The following HCK variants were observed in gnomAD, a reference collection of about 807,000 sequenced individuals.
HCK encodes tyrosine-protein kinase HCK.
In HCK, 40 loss-of-function variants were observed where a neutral mutation model predicts 70.4. The observed-to-expected ratio is 0.57, with a 90% confidence interval of 0.44 to 0.74. The LOEUF is 0.74. Among genes scored for constraint, HCK ranks in the 30% least tolerant of loss-of-function variants. The probability of loss-of-function intolerance (pLI) is 0.00; values close to 1 mark genes in which losing one functional copy is unlikely to be tolerated. For missense variants in HCK, 568 were observed against 697.2 expected (o/e 0.81, Z 2.09); for synonymous variants, 245 against 263.2 (o/e 0.93, Z 0.67).
At position 32,088,522 on chromosome 20, in the gene HCK, T is replaced by C. The variant is rs753328251; in HGVS notation, c.1016-46T>C. The C allele has an allele frequency of 2.0e-6, 3 of 1,482,986 alleles. No individual in the cohort carries two copies. In the African/African-American group the frequency reaches 4.2e-5, roughly 21 times the overall value. 91.9% of individuals were successfully genotyped at this position (1,482,986 alleles called of 1,614,324 possible). ...GCAAAAGTAATTGTGGTTTTTGCCA[T>C]TAAATAGTAAAAGTAGTAAATGTTC... is the stretch of plus-strand genomic sequence containing the variant. On this transcript the variant is annotated intron_variant, in intron 9 of 12. Coordinates refer to ENST00000375852, the MANE Select transcript of HCK (RefSeq NM_002110.5).
chr20:32,086,872 T>C, intron 9 of HCK, 65 bp downstream of exon 9: 2 of 1,440,142 alleles, frequency 1.4e-6, no homozygotes, highest in Non-Finnish European at 1.9e-6. Flanking sequence ...GGCCCAAGGG[T>C]GGCTTGGACA....
At chr20:32,074,768 C>A in intron 5 of HCK, 47 bp downstream of exon 5, 1 of 1,400,832 alleles carries the variant, frequency 7.1e-7, no homozygotes, top group South Asian at 1.2e-5. Flanking sequence ...TGAGCAAAGC[C>A]AGCCTTGTTT....
At chr20:32,054,475 TAAAAAAAAAAAAAAAAAAAAAAAAA>T (rs529274774) in intron 1 of HCK, among the ~76,000 whole-genome samples, 91 of 15,868 alleles carry the variant, frequency 5.7e-3, no homozygotes, top group Non-Finnish European at 9.3e-3. Flanking sequence ...AAACTCCACC[TAAAAAAAAAAAAAAAAAAAAAAAAA>T]AAAAAAAAAA....
At chr20:32,061,765 G>T (rs1305527320) in intron 1 of HCK, among the ~76,000 whole-genome samples, 2 of 152,090 alleles carry the variant, frequency 1.3e-5, no homozygotes, top group African/African-American at 2.4e-5. Flanking sequence ...AGCAAGGAGG[G>T]CTCCAGTGGA....
intron 4 of HCK, among the ~76,000 whole-genome samples, chr20:32,074,227 C>T (rs112210927): frequency 2.6e-5 from 4 of 152,122 alleles, no homozygotes; most frequent in Admixed American, 1.3e-4. Context: ...AGCCCGAGAA[C>T]GGGAGTGGTC....
At chr20:32,052,917 TG>T (rs2045202743) in intron 1 of HCK, among the ~76,000 whole-genome samples, 1 of 151,458 alleles carries the variant, frequency 6.6e-6, no homozygotes, top group African/African-American at 2.4e-5. Context: ...GCAGCCAGCT[TG>T]GGGAAGGGGG....
At chr20:32,073,910 G>A (rs2122536382) in intron 4 of HCK, 92 bp downstream of exon 4, 2 of 723,560 alleles carry the variant, frequency 2.8e-6, no homozygotes, top group East Asian at 2.7e-5. Context: ...CTGATAGATG[G>A]GCTATCTTAT....
intron 6 of HCK, among the ~76,000 whole-genome samples, chr20:32,082,628 C>T (rs1255218295): frequency 2.0e-5 from 3 of 152,030 alleles, no homozygotes; most frequent in African/African-American, 4.8e-5. Context: ...GATGACACAG[C>T]GAGACTCTGA....
chr20:32,068,143 C>G (rs1039872918), intron 1 of HCK, among the ~76,000 whole-genome samples: 1 of 151,556 alleles, frequency 6.6e-6, no homozygotes. Flanking sequence ...CTAAAAAATA[C>G]AAAAATTAGC....
intron 1 of HCK, 29 bp from the exon 2 acceptor site, chr20:32,071,633 G>T (rs1190764515): frequency 6.2e-7 from 1 of 1,609,410 alleles, no homozygotes; most frequent in Non-Finnish European, 8.5e-7. Context: ...CTTGGTAACT[G>T]GGGCTCACCT....
At chr20:32,088,070 A>G (rs1227595096) in intron 9 of HCK, among the ~76,000 whole-genome samples, 3 of 152,010 alleles carry the variant, frequency 2.0e-5, no homozygotes. Flanking sequence ...CCTAACATAT[A>G]TATTTGTAAA....
Position 32,099,350 on chromosome 20 carries a change from C to CTTTTTTTTTTTTTTTTTTTTTT in HCK, c.1378+219_1378+240dup, listed in dbSNP as rs71336559. ...CCTTCCTTCTCTCTCACTCCTATGA[C>CTTTTTTTTTTTTTTTTTTTTTT]TTTTTTTTTTTTTTTTTTTTTTTTT... is the stretch of plus-strand genomic sequence containing the variant. On this transcript the variant is annotated intron_variant, in intron 12 of 12. Transcript: ENST00000375852. Among the ~76,000 whole-genome samples the CTTTTTTTTTTTTTTTTTTTTTT allele has an allele frequency of 1.4e-4, 12 of 85,172 alleles. 1 individual carries two copies. Among genetic ancestry groups the CTTTTTTTTTTTTTTTTTTTTTT allele is most frequent in the African/African-American group, 7.1e-4 (11 of 15,518 alleles). The allele number at this position is 85,172 out of a possible 152,430, so 55.9% of individuals were successfully genotyped here.
intron 1 of HCK, among the ~76,000 whole-genome samples, chr20:32,052,783 G>GGGC (rs1568945531): frequency 2.6e-5 from 3 of 113,484 alleles, no homozygotes; most frequent in African/African-American, 4.6e-5. Context: ...TCCCCTTCTT[G>GGGC]GGGGGGGGCG....
chr20:32,068,104 CTGACCAACGTGGTG>C (rs2045486368), intron 1 of HCK, among the ~76,000 whole-genome samples: 1 of 151,966 alleles, frequency 6.6e-6, no homozygotes, highest in South Asian at 2.1e-4. Flanking sequence ...CAAGACCAGC[CTGACCAACGTGGTG>C]AAACCCTGTC....
In HCK at chr20:32,086,677, G is replaced by C; in HGVS notation, c.885G>C (p.Gly295=). 6.2e-7 allele frequency: 1 copy of C among 1,613,400 alleles called. No individual in the cohort carries two copies. The highest frequency in any genetic ancestry group is 8.5e-7 in the Non-Finnish European group (1 of 1,179,660). ...TGGCAGTGAAGACGATGAAGCCAGG[G>C]AGCATGTCGGTGGAGGCCTTCCTGG... The change falls in exon 9 of 13, where the codon GGG becomes GGC. Residue 295 remains glycine, a synonymous_variant. Coordinates refer to ENST00000375852, the MANE Select transcript of HCK (RefSeq NM_002110.5).
chr20:32,065,717 A>AG (rs2045446114), intron 1 of HCK, among the ~76,000 whole-genome samples: 1 of 152,172 alleles, frequency 6.6e-6, no homozygotes, highest in African/African-American at 2.4e-5. Flanking sequence ...CTCTGTAGCC[A>AG]GGGGGCCAGA....
chr20:32,052,631 A>G, intron 1 of HCK, 145 bp downstream of exon 1: 1 of 531,858 alleles, frequency 1.9e-6, no homozygotes, highest in Non-Finnish European at 2.9e-6. Flanking sequence ...AGCCGCGGGT[A>G]GCCCGGGGGA....
At chr20:32,082,698 C>G (rs976670655) in intron 6 of HCK, among the ~76,000 whole-genome samples, 1 of 152,096 alleles carries the variant, frequency 6.6e-6, no homozygotes, top group Admixed American at 6.5e-5. Flanking sequence ...GTACTATTAT[C>G]ATGGTAAAGA....
chr20:32,055,623 T>A (rs2045259079), intron 1 of HCK, among the ~76,000 whole-genome samples: 1 of 152,236 alleles, frequency 6.6e-6, no homozygotes, highest in South Asian at 2.1e-4. Flanking sequence ...AGCAGAGCAA[T>A]CTTTTATATA....
Sources: allele counts gnomAD v4.1 joint callset (sites outside exome capture counted in the v4.1 genomes callset), GRCh38; gene constraint gnomAD v4.1.1; transcripts MANE v1.5; gene names NCBI Gene and HGNC (gene_info 2026-07-23, HGNC 2026-07-21).